Variants in CABIN1 observed in about 807,000 individuals in gnomAD.
CABIN1 encodes the protein calcineurin-binding protein cabin-1.
CABIN1 carries 133 observed loss-of-function variants against 227.7 expected under a neutral mutation model. The observed-to-expected ratio is 0.58, with a 90% CI of 0.51 to 0.67. The LOEUF is 0.67. Among genes scored for constraint, CABIN1 ranks in the 30% least tolerant of loss-of-function variants. The probability of loss-of-function intolerance (pLI) is 0.00; values close to 1 mark genes in which losing one functional copy is unlikely to be tolerated. For synonymous variants in CABIN1, 1,086 were observed against 1,155.1 expected (o/e 0.94, Z 1.21); for missense variants, 2,408 against 2,852.5 (o/e 0.84, Z 3.55).
intron 33 of CABIN1, among the ~76,000 whole-genome samples, chr22:24,171,358 C>G (rs1345140103): frequency 6.6e-6 from 1 of 152,204 alleles, no homozygotes; most frequent in Non-Finnish European, 1.5e-5. Context: ...GGGAGCTGCA[C>G]CCATGCCTAG....
intron 23 of CABIN1, among the ~76,000 whole-genome samples, chr22:24,089,291 G>GGA (rs1329765124): frequency 6.6e-6 from 1 of 152,222 alleles, no homozygotes; most frequent in African/African-American, 2.4e-5. Flanking sequence ...GGGAAGTCAG[G>GGA]GAGTGGGTAA....
rs1157279550 is a variant in CABIN1, at chr22:24,177,718, C to T, written c.6420C>T (p.Ala2140=). The T allele has an allele frequency of 5.6e-6, 9 of 1,612,934 alleles. No individual in the cohort carries two copies. The Admixed American group carries it at 6.7e-5, about 12-fold the overall frequency. ...PNMPKLVIPS[A]ATKFPPEITV... ...TGCCAAAGCTGGTCATCCCCTCCGC[C>T]GCCACCAAGTTCCCCCCTGAGATCA... is the stretch of plus-strand genomic sequence containing the variant. Residue 2140 remains alanine, a synonymous_variant, in exon 36 of 37, where the codon GCC becomes GCT. Coordinates refer to ENST00000263119, the MANE Select transcript of CABIN1 (RefSeq NM_012295.4). The surrounding 1 kb of genome is among the most constrained non-coding windows in gnomAD (Gnocchi z 4.4).
chr22:24,139,262 T>C (rs2001106), intron 29 of CABIN1, among the ~76,000 whole-genome samples: 14,268 of 152,232 alleles, frequency 0.094, 810 homozygotes, highest in African/African-American at 0.16. Flanking sequence ...AAAACAGATG[T>C]GTCGTGCGGC....
intron 29 of CABIN1, among the ~76,000 whole-genome samples, chr22:24,148,791 C>A (rs2045312651): frequency 6.6e-6 from 1 of 152,226 alleles, no homozygotes; most frequent in Admixed American, 6.5e-5. Flanking sequence ...CAGGCTGCAC[C>A]CCCCTGCAGC....
At chr22:24,062,142 T>A in intron 13 of CABIN1, 117 bp downstream of exon 13, 2 of 836,900 alleles carry the variant, frequency 2.4e-6, no homozygotes, top group Non-Finnish European at 4.0e-6. Flanking sequence ...AGTAGGCACA[T>A]TTTTTGGGTT....
intron 27 of CABIN1, among the ~76,000 whole-genome samples, chr22:24,117,196 ATTG>A (rs895591457): frequency 1.1e-4 from 16 of 151,822 alleles, no homozygotes; most frequent in South Asian, 6.3e-4. Context: ...TAGGCAACTG[ATTG>A]TTGTTGTTGT....
chr22:24,076,263 T>C lies in CABIN1; in HGVS notation c.2727T>C (p.Asp909=), dbSNP rs2040434002. Residue 909 remains aspartate (D), a synonymous_variant, in exon 19 of 37, where the codon GAT becomes GAC. Transcript: ENST00000263119. ...LGRRSWCCNS[D]GALLRFYVRV... ...GAAGGTCCTGGTGCTGCAATTCAGA[T>C]GGGGCTCTGCTGCGATTCTATGTAA... 10 of 1,614,066 alleles carry C rather than the reference T, an allele frequency of 6.2e-6. No individual in the cohort carries two copies. Among genetic ancestry groups the C allele is most frequent in the Non-Finnish European group, 8.5e-6 (10 of 1,179,948 alleles).
intron 1 of CABIN1, among the ~76,000 whole-genome samples, chr22:24,026,018 G>A (rs1210525066): frequency 6.6e-6 from 1 of 151,984 alleles, no homozygotes; most frequent in African/African-American, 2.4e-5. Flanking sequence ...GTATTTTTTT[G>A]TAGAGACAGG....
intron 6 of CABIN1, 122 bp from the exon 7 acceptor site, chr22:24,048,969 C>G (rs141919849): frequency 1.6e-5 from 18 of 1,150,162 alleles, no homozygotes; most frequent in Non-Finnish European, 2.3e-5. Flanking sequence ...AAAGTGGTAT[C>G]TCATTATTTT....
At chr22:24,115,334 T>A (rs1602165168) in intron 27 of CABIN1, among the ~76,000 whole-genome samples, 1 of 152,306 alleles carries the variant, frequency 6.6e-6, no homozygotes, top group African/African-American at 2.4e-5. Context: ...ATGAAGAGTG[T>A]CCTGCCTCTT....
intron 34 of CABIN1, 44 bp downstream of exon 34, chr22:24,172,039 CCAT>C: frequency 6.3e-7 from 1 of 1,586,796 alleles, no homozygotes; most frequent in Non-Finnish European, 8.5e-7. Flanking sequence ...GCCCCTGCCA[CCAT>C]CAAGTCCTCC....
intron 1 of CABIN1, among the ~76,000 whole-genome samples, 186 bp from the exon 2 acceptor site, chr22:24,035,257 TG>T (rs2036781469): frequency 6.6e-6 from 1 of 152,262 alleles, no homozygotes; most frequent in South Asian, 2.1e-4. Context: ...TGCCAGGAAA[TG>T]ATGAATGCTA....
At chr22:24,089,652 G>A (rs1312229046) in intron 23 of CABIN1, among the ~76,000 whole-genome samples, 2 of 152,178 alleles carry the variant, frequency 1.3e-5, no homozygotes, top group East Asian at 3.8e-4. Flanking sequence ...GTGTCACGAG[G>A]ACACAGTCCC....
At chr22:24,065,348 C>T (rs1209914314) in intron 15 of CABIN1, among the ~76,000 whole-genome samples, 5 of 149,738 alleles carry the variant, frequency 3.3e-5, no homozygotes, top group East Asian at 2.0e-4. Context: ...CGGGCAGAGG[C>T]GCTCCTCACA....
chr22:24,126,957 C>T (rs1257062465), intron 28 of CABIN1, among the ~76,000 whole-genome samples: 3 of 151,392 alleles, frequency 2.0e-5, no homozygotes, highest in East Asian at 3.9e-4. Context: ...CAAGGTCGTG[C>T]CACTGCCCTC....
intron 29 of CABIN1, among the ~76,000 whole-genome samples, chr22:24,156,343 C>A (rs967254433): frequency 6.6e-6 from 1 of 151,996 alleles, no homozygotes; most frequent in Non-Finnish European, 1.5e-5. Flanking sequence ...CCAGGGCGGG[C>A]TGGCACCCGG....
chr22:24,107,238 TGAGCCCCATTAGCA>T (rs1406568568), intron 26 of CABIN1, among the ~76,000 whole-genome samples: 1 of 152,174 alleles, frequency 6.6e-6, no homozygotes, highest in Non-Finnish European at 1.5e-5. Context: ...AAGACTGTGG[TGAGCCCCATTAGCA>T]GAGCCTTCCT....
At chr22:24,130,797 C>G (rs902397061) in intron 28 of CABIN1, among the ~76,000 whole-genome samples, 4 of 152,192 alleles carry the variant, frequency 2.6e-5, no homozygotes, top group Non-Finnish European at 4.4e-5. Flanking sequence ...TTGATCAGCT[C>G]TCTTTCTCTG....
At chr22:24,141,261 A>G (rs1296817217) in intron 29 of CABIN1, among the ~76,000 whole-genome samples, 2 of 152,158 alleles carry the variant, frequency 1.3e-5, no homozygotes, top group Non-Finnish European at 2.9e-5. Context: ...CACCCACCAC[A>G]CAGGTCTCTT....
Sources: allele counts gnomAD v4.1 joint callset (sites outside exome capture counted in the v4.1 genomes callset), GRCh38; gene constraint gnomAD v4.1.1; non-coding constraint Gnocchi (gnomAD v3.1); transcripts MANE v1.5; gene names NCBI Gene and HGNC (gene_info 2026-07-23, HGNC 2026-07-21).